Variants in CLSTN1 observed in about 807,000 individuals in gnomAD.
CLSTN1 encodes calsyntenin-1.
In CLSTN1, 28 loss-of-function variants were observed where a neutral mutation model predicts 108.3. The ratio of observed to expected loss-of-function variants is 0.26; its 90% CI spans 0.19 to 0.35. The LOEUF (loss-of-function observed/expected upper bound fraction) is 0.35. CLSTN1 is among the 10% of genes least tolerant of loss of function. The pLI, the probability that CLSTN1 is intolerant of heterozygous loss-of-function variation, is 1.00. For synonymous variants in CLSTN1, 524 were observed against 534.9 expected (o/e 0.98, Z 0.28); for missense variants, 1,157 against 1,302.6 (o/e 0.89, Z 1.72).
Position 9,731,366 on chromosome 1 carries a change from A to G in CLSTN1, c.2588T>C (p.Val863Ala). Residue 863 changes from valine to alanine, a missense_variant, in exon 18 of 19, where the codon GTG becomes GCG. By Grantham distance (64) the Val-to-Ala change is moderately conservative. Coordinates refer to ENST00000377298, the MANE Select transcript of CLSTN1 (RefSeq NM_001009566.3). ...FAVVPSTATV[V>A]IVVCVSFLVF... is the part of the protein sequence containing the mutation. ...CAGGAAGCTGACGCACACCACGATC[A>G]CAACTGTCGCAGTGCTGGGGACGAC... 4 of 1,614,198 alleles carry G rather than the reference A, an allele frequency of 2.5e-6. No individual in the cohort carries two copies. The highest frequency in any genetic ancestry group is 2.5e-6 in the Non-Finnish European group (3 of 1,180,028).
At chr1:9,770,506 G>A (rs901452628) in intron 2 of CLSTN1, among the ~76,000 whole-genome samples, 1 of 152,200 alleles carries the variant, frequency 6.6e-6, no homozygotes, top group African/African-American at 2.4e-5. Context: ...CGCCTGGGCT[G>A]GAGCCCTGCC....
At chr1:9,785,324 A>C (rs916474473) in intron 1 of CLSTN1, among the ~76,000 whole-genome samples, 1 of 151,934 alleles carries the variant, frequency 6.6e-6, no homozygotes, top group Non-Finnish European at 1.5e-5. Flanking sequence ...CAGATTTTTT[A>C]ATTACTCTTA....
intron 4 of CLSTN1, among the ~76,000 whole-genome samples, chr1:9,753,114 T>G (rs1050001319): frequency 3.9e-5 from 6 of 152,096 alleles, no homozygotes; most frequent in African/African-American, 1.4e-4. Flanking sequence ...AGGATGGTTT[T>G]GGGATGAAAA....
chr1:9,748,576 C>T (rs888242241), intron 7 of CLSTN1, among the ~76,000 whole-genome samples: 6 of 152,242 alleles, frequency 3.9e-5, no homozygotes, highest in Non-Finnish European at 8.8e-5. Flanking sequence ...CAACGTCCAC[C>T]TCCTGGGCTC....
chr1:9,781,247 G>T, intron 1 of CLSTN1: 1 of 762,238 alleles, frequency 1.3e-6, no homozygotes, highest in Non-Finnish European at 2.3e-6. Context: ...CTGATTTTCT[G>T]GGGAAATTCT....
chr1:9,738,398 G>C (rs1351113079), intron 10 of CLSTN1, among the ~76,000 whole-genome samples: 2 of 152,166 alleles, frequency 1.3e-5, no homozygotes, highest in Non-Finnish European at 2.9e-5. Flanking sequence ...GGCCCCTTTT[G>C]GGCTGCGGCT....
intron 1 of CLSTN1, among the ~76,000 whole-genome samples, chr1:9,814,746 C>T (rs1654904222): frequency 6.6e-6 from 1 of 151,186 alleles, no homozygotes; most frequent in Non-Finnish European, 1.5e-5. Flanking sequence ...CCCGTCTCTA[C>T]AAAAATTTTA....
intron 2 of CLSTN1, among the ~76,000 whole-genome samples, chr1:9,763,776 C>T (rs1416003609): frequency 6.6e-6 from 1 of 152,090 alleles, no homozygotes; most frequent in East Asian, 1.9e-4. Flanking sequence ...GGTCACCTAC[C>T]CTGGGAGGCC....
intron 1 of CLSTN1, chr1:9,780,800 T>C: frequency 5.5e-6 from 1 of 183,200 alleles, no homozygotes; most frequent in Non-Finnish European, 1.1e-5. Flanking sequence ...TTCTAGGAGG[T>C]TTTAAAAAAC....
intron 15 of CLSTN1, 26 bp downstream of exon 15, chr1:9,733,946 C>G (rs1189412688): frequency 1.3e-6 from 2 of 1,589,660 alleles, no homozygotes; most frequent in African/African-American, 1.3e-5. Flanking sequence ...CCTGGCCCAC[C>G]TGCGTGGCTG....
chr1:9,760,106 T>C (rs577136301), intron 2 of CLSTN1, among the ~76,000 whole-genome samples: 101 of 152,310 alleles, frequency 6.6e-4, no homozygotes, highest in African/African-American at 2.3e-3. Flanking sequence ...TTTCCCTCTG[T>C]TGCCCAGGCT....
intron 1 of CLSTN1, among the ~76,000 whole-genome samples, chr1:9,817,167 G>A (rs1279659867): frequency 6.6e-6 from 1 of 152,142 alleles, no homozygotes; most frequent in East Asian, 1.9e-4. Flanking sequence ...AGGAGTTCGA[G>A]ACCAGCCTGA....
Position 9,737,657 on chromosome 1 carries a change from A to G in CLSTN1, c.1520-103T>C, listed in dbSNP as rs12084163. Reference sequence around the variant, plus strand: ...TTGAAGCAACCAACTATAAAACATGAAGAGAAAATTCCCTCGTGATCCCGC... The same window carrying G: ...TTGAAGCAACCAACTATAAAACATGGAGAGAAAATTCCCTCGTGATCCCGC... On this transcript the variant is annotated intron_variant, in intron 10 of 18. Coordinates refer to ENST00000377298, the MANE Select transcript of CLSTN1 (RefSeq NM_001009566.3). The G allele has an allele frequency of 0.01, 10,318 of 1,000,340 alleles. 632 individuals are homozygous for G. In the African/African-American group the frequency reaches 0.14, roughly 14 times the overall value. The allele number at this position is 1,000,340 out of a possible 1,614,324, so 62.0% of individuals were successfully genotyped here. A position where few individuals can be genotyped will look rare whatever the true frequency, so the allele number is the denominator to read the frequency against.
In CLSTN1 at chr1:9,764,665, G is replaced by T. The variant is rs879557087; in HGVS notation, c.215-8155C>A. Among the ~76,000 whole-genome samples the T allele has an allele frequency of 3.5e-3, 387 of 110,994 alleles. 1 individual carries two copies. The highest frequency in any genetic ancestry group is 4.7e-3 in the Non-Finnish European group (252 of 53,798). The allele number at this position is 110,994 out of a possible 152,430, so 72.8% of individuals were successfully genotyped here. A position where few individuals can be genotyped will look rare whatever the true frequency, so the allele number is the denominator to read the frequency against. On this transcript the variant is annotated intron_variant, in intron 2 of 18. Transcript: ENST00000377298. Reference sequence around the variant, plus strand: ...AAAAAAAAAAAAAAAAAAAAAAAAAGTTTCCACATGAGGTTTGGAGGGGAC... The same window carrying T: ...AAAAAAAAAAAAAAAAAAAAAAAAATTTTCCACATGAGGTTTGGAGGGGAC...
At chr1:9,731,634 G>A (rs1414436336) in intron 17 of CLSTN1, 127 bp downstream of exon 17, 13 of 1,023,608 alleles carry the variant, frequency 1.3e-5, no homozygotes, top group Admixed American at 7.8e-5. Context: ...CCTTGTGTGT[G>A]ATGGGGAATA....
intron 16 of CLSTN1, 141 bp from the exon 17 acceptor site, chr1:9,732,037 GA>G: frequency 4.9e-6 from 3 of 608,258 alleles, no homozygotes; most frequent in South Asian, 3.1e-5. Flanking sequence ...GGAGCTACGG[GA>G]AAAGGACAGA....
rs770312182 is a variant in CLSTN1 at position 9,741,247 on chromosome 1, C to T, written c.1366G>A (p.Glu456Lys). 7 of 1,609,230 alleles carry T rather than the reference C, an allele frequency of 4.3e-6. No individual in the cohort carries two copies. The East Asian group carries it at 1.1e-4, about 26-fold the overall frequency. Residue 456 changes from glutamate (E) to lysine (K), a missense_variant, in exon 10 of 19, where the codon GAG becomes AAG. Physicochemically the swap from Glu to Lys is moderately conservative, Grantham distance 56 (BLOSUM62 1). Coordinates refer to ENST00000377298, the MANE Select transcript of CLSTN1 (RefSeq NM_001009566.3). ...FHWKLNQVCD[E>K]EWHHYVLNVE... ...TTGAGGACGTAGTGGTGCCATTCCT[C>T]ATCACAGACCTACAGAGGCAAAGGG...
At chr1:9,733,187 C>T (rs967702552) in intron 16 of CLSTN1, among the ~76,000 whole-genome samples, 1 of 152,130 alleles carries the variant, frequency 6.6e-6, no homozygotes, top group African/African-American at 2.4e-5. Flanking sequence ...GAGCACCCCC[C>T]ACCCCAGCTC....
chr1:9,820,418 C>G (rs1286013637), intron 1 of CLSTN1, among the ~76,000 whole-genome samples: 3 of 152,070 alleles, frequency 2.0e-5, no homozygotes, highest in Non-Finnish European at 4.4e-5. Context: ...ACTGGTGAGG[C>G]TGAGGCAGAA....
Sources: gnomAD v4.1 joint callset for allele counts (sites outside exome capture counted in the v4.1 genomes callset) on GRCh38, gnomAD v4.1.1 for gene constraint, MANE v1.5 for transcripts, NCBI Gene and HGNC (gene_info 2026-07-23, HGNC 2026-07-21) for gene names.